Variants in NLGN1 observed in about 807,000 individuals in gnomAD.
NLGN1 encodes the protein neuroligin-1.
In NLGN1, 12 loss-of-function variants were observed where a neutral mutation model predicts 65.5. That is an observed-to-expected ratio of 0.18 (90% CI 0.12 to 0.30). The LOEUF (loss-of-function observed/expected upper bound fraction) is 0.30, where lower values mean the gene tolerates loss of function less well. Ranked by LOEUF, NLGN1 falls within the 10% of genes least tolerant of loss-of-function variation. The pLI is 1.00. For missense variants in NLGN1, 750 were observed against 1,007.1 expected (o/e 0.74, Z 3.46); for synonymous variants, 350 against 359.5 (o/e 0.97, Z 0.30).
Position 174,279,291 on chromosome 3 carries a change from T to C in NLGN1, c.1290T>C (p.Asp430=). 2.5e-6 allele frequency: 4 copies of C among 1,613,402 alleles called. No individual in the cohort carries two copies. The highest frequency in any genetic ancestry group is 3.4e-6 in the Non-Finnish European group (4 of 1,179,558). The change falls in exon 6 of 7, where the codon GAT becomes GAC. Residue 430 remains aspartate, a synonymous_variant. Transcript: ENST00000457714. This position sits in a 1 kb window ranked among gnomAD's most constrained non-coding sequence, Gnocchi z 4.7. ...TATATGGATATCCTGAAGGCAAAGA[T>C]GTTTTGAGAGAAACCATTAAGTTCA...
intron 1 of NLGN1, among the ~76,000 whole-genome samples, chr3:173,408,102 G>A (rs1711643905): frequency 6.6e-6 from 1 of 152,140 alleles, no homozygotes. Flanking sequence ...GTCTCGCTCT[G>A]TTGCCCAGGC....
At chr3:173,405,849 T>C (rs1393021239) in intron 1 of NLGN1, among the ~76,000 whole-genome samples, 1 of 152,078 alleles carries the variant, frequency 6.6e-6, no homozygotes. Context: ...TTCAAATGTA[T>C]GTTTAGGCTA....
intron 3 of NLGN1, among the ~76,000 whole-genome samples, chr3:173,729,148 A>G (rs1393157034): frequency 6.6e-6 from 1 of 152,098 alleles, no homozygotes; most frequent in Non-Finnish European, 1.5e-5. Flanking sequence ...TTTTGAAACC[A>G]GGATTCTTAA....
chr3:173,412,720 A>G (rs1434713301), intron 1 of NLGN1, among the ~76,000 whole-genome samples: 5 of 152,182 alleles, frequency 3.3e-5, no homozygotes, highest in Non-Finnish European at 7.4e-5. Context: ...TCTTTGAACA[A>G]CCACAAAAAA....
At chr3:173,404,686 C>T (rs939281459) in intron 1 of NLGN1, among the ~76,000 whole-genome samples, 3 of 152,162 alleles carry the variant, frequency 2.0e-5, no homozygotes, top group Admixed American at 6.5e-5. Context: ...CCTGAACCCT[C>T]TTATCTGGAC....
At chr3:174,126,796 A>C (rs1045957801) in intron 4 of NLGN1, among the ~76,000 whole-genome samples, 6 of 152,116 alleles carry the variant, frequency 3.9e-5, no homozygotes, top group African/African-American at 1.4e-4. Flanking sequence ...CTAATCTAGC[A>C]CCAGATACAT....
chr3:174,044,618 C>T (rs115800285), intron 4 of NLGN1, among the ~76,000 whole-genome samples: 1,993 of 152,208 alleles, frequency 0.013, 37 homozygotes, highest in African/African-American at 0.044. Flanking sequence ...CTTCATTTTC[C>T]GTATCACTAT....
chr3:173,781,386 T>C (rs930840559), intron 3 of NLGN1, among the ~76,000 whole-genome samples: 3 of 152,186 alleles, frequency 2.0e-5, no homozygotes, highest in African/African-American at 7.2e-5. Context: ...TAATCCTATG[T>C]CTTAGACAAC....
At chr3:173,452,619 T>C (rs1560275649) in intron 2 of NLGN1, among the ~76,000 whole-genome samples, 1 of 152,230 alleles carries the variant, frequency 6.6e-6, no homozygotes, top group Non-Finnish European at 1.5e-5. Context: ...GTTTTCCTGG[T>C]CTCTAGTACT....
At chr3:173,687,263 A>G (rs949934677) in intron 3 of NLGN1, among the ~76,000 whole-genome samples, 5 of 152,236 alleles carry the variant, frequency 3.3e-5, no homozygotes, top group South Asian at 2.1e-4. Context: ...TATAATGCAC[A>G]TTTTACTAAA....
intron 4 of NLGN1, among the ~76,000 whole-genome samples, chr3:173,895,938 C>A (rs1258303195): frequency 6.6e-6 from 1 of 152,178 alleles, no homozygotes; most frequent in Non-Finnish European, 1.5e-5. Flanking sequence ...GATCTGCCCA[C>A]CTTGGCCTCC....
At chr3:173,996,514 T>C (rs1414004643) in intron 4 of NLGN1, among the ~76,000 whole-genome samples, 1 of 152,166 alleles carries the variant, frequency 6.6e-6, no homozygotes, top group East Asian at 1.9e-4. Context: ...TAAAATTAAA[T>C]TGAACTTCTC....
intron 3 of NLGN1, among the ~76,000 whole-genome samples, chr3:173,786,849 G>C (rs1325467206): frequency 1.3e-5 from 2 of 152,124 alleles, no homozygotes; most frequent in African/African-American, 4.8e-5. Context: ...GGCCGAGGAG[G>C]GTGGATCACC....
chr3:173,940,175 G>A lies in NLGN1; in HGVS notation c.646+132343G>A, dbSNP rs181625344. ...ACGATCTCTGCTCACTGCAACCTCC[G>A]CCTCCTGGGTTCAAGCGATTCTCCT... On this transcript the variant is annotated intron_variant, in intron 4 of 6. Coordinates refer to ENST00000457714, the Ensembl canonical transcript of NLGN1. Among the ~76,000 whole-genome samples the A allele has an allele frequency of 5.5e-4, 71 of 130,082 alleles. 1 individual carries two copies. Among genetic ancestry groups the A allele is most frequent in the Non-Finnish European group, 1.2e-4 (8 of 64,440 alleles). 85.3% of individuals were successfully genotyped at this position (130,082 alleles called of 152,430 possible).
chr3:174,209,432 G>A (rs796238935), intron 4 of NLGN1, among the ~76,000 whole-genome samples: 14 of 152,016 alleles, frequency 9.2e-5, no homozygotes, highest in African/African-American at 3.1e-4. Flanking sequence ...TATTCATCCC[G>A]TATTTTCCAG....
intron 4 of NLGN1, among the ~76,000 whole-genome samples, chr3:174,117,597 G>A (rs1716798552): frequency 6.6e-6 from 1 of 151,000 alleles, no homozygotes; most frequent in African/African-American, 2.4e-5. Flanking sequence ...CTCCAGCCTG[G>A]GCAATAGAGA....
chr3:174,173,817 C>A (rs1186031612), intron 4 of NLGN1, among the ~76,000 whole-genome samples: 1 of 151,714 alleles, frequency 6.6e-6, no homozygotes, highest in South Asian at 2.1e-4. Flanking sequence ...TATCTAATTT[C>A]TTTCTTTCTT....
chr3:173,449,504 A>AGGTGT (rs1721065865), intron 2 of NLGN1, among the ~76,000 whole-genome samples: 1 of 152,148 alleles, frequency 6.6e-6, no homozygotes, highest in Non-Finnish European at 1.5e-5. Flanking sequence ...ATTTTGTAAT[A>AGGTGT]GGTGTGGTGT....
At chr3:173,772,382 C>T (rs967655376) in intron 3 of NLGN1, among the ~76,000 whole-genome samples, 6 of 152,092 alleles carry the variant, frequency 3.9e-5, no homozygotes, top group African/African-American at 1.2e-4. Flanking sequence ...CTTCGGGAGG[C>T]TGAGGCAGGA....
Sources: gnomAD v4.1 joint callset for allele counts (sites outside exome capture counted in the v4.1 genomes callset) on GRCh38, gnomAD v4.1.1 for gene constraint, Gnocchi (gnomAD v3.1) non-coding constraint, MANE v1.5 for transcripts, NCBI Gene and HGNC (gene_info 2026-07-23, HGNC 2026-07-21) for gene names.